The following NHEJ1 variants were observed in gnomAD, a reference collection of about 807,000 sequenced individuals.
NHEJ1 encodes non-homologous end-joining factor 1.
Under a neutral mutation model 39.4 loss-of-function variants are expected in NHEJ1, and 22 were observed. The ratio of observed to expected loss-of-function variants is 0.56; its 90% confidence interval spans 0.40 to 0.80. The LOEUF is 0.80. NHEJ1 is among the 30% of genes least tolerant of loss of function. The pLI is 0.00. For synonymous variants in NHEJ1, 154 were observed against 135.6 expected, an observed-to-expected ratio of 1.14 and a Z score of -0.94; for missense variants, 329 against 357.1, an observed-to-expected ratio of 0.92 and a Z score of 0.63.
At chr2:219,110,033 T>C (rs1002721436) in intron 5 of NHEJ1, among the ~76,000 whole-genome samples, 1 of 152,182 alleles carries the variant, frequency 6.6e-6, no homozygotes, top group East Asian at 1.9e-4. Context: ...TGAAGAATCA[T>C]GAGCTTAAAG....
chr2:219,133,012 A>C (rs553967519), intron 5 of NHEJ1, among the ~76,000 whole-genome samples: 7 of 152,352 alleles, frequency 4.6e-5, no homozygotes, highest in African/African-American at 1.7e-4. Context: ...TTAAACTTCT[A>C]AATAGAAAAA....
In NHEJ1 at chr2:219,070,463, A is replaced by T. The variant is rs1948946943; in HGVS notation, c.*5918T>A. Among the ~76,000 whole-genome samples, 2 of 152,210 alleles carry T rather than the reference A, an allele frequency of 1.3e-5. No individual in the cohort carries two copies. Among genetic ancestry groups the T allele is most frequent in the South Asian group, 4.1e-4 (2 of 4,832 alleles). On this transcript the variant is annotated 3_prime_UTR_variant, in exon 8 of 8. Coordinates refer to ENST00000356853, the MANE Select transcript of NHEJ1 (RefSeq NM_024782.3). ...TGCCTCAGCCTCCCAAAGTGCTGGG[A>T]TTACAGGCGTGAGCCACTGCGCCTG... is the stretch of plus-strand genomic sequence containing the variant.
chr2:219,087,994 C>G (rs941385157), intron 5 of NHEJ1, among the ~76,000 whole-genome samples: 1 of 152,122 alleles, frequency 6.6e-6, no homozygotes, highest in Admixed American at 6.5e-5. Flanking sequence ...TGTACAGAAT[C>G]TCATTGAGAA....
chr2:219,157,555 C>T lies in NHEJ1; in HGVS notation c.307G>A (p.Ala103Thr). Residue 103 changes from alanine (A) to threonine (T), a missense_variant, in exon 3 of 8, where the codon GCA becomes ACA. By Grantham distance (58) the Ala-to-Thr change is moderately conservative. Transcript: ENST00000356853. ...TCACTTCGCACCCGTAGAATCAGTGCATCTGCCACACAATCACAGGAGAAG... is the reference window on the plus strand; with the variant it reads ...TCACTTCGCACCCGTAGAATCAGTGTATCTGCCACACAATCACAGGAGAAG... ...ATFSCDCVAD[A>T]LILRVRSELS... is the part of the protein sequence containing the mutation. 1.2e-6 allele frequency: 2 copies of T among 1,614,184 alleles called. No homozygotes were observed. Among genetic ancestry groups the T allele is most frequent in the East Asian group, 4.5e-5 (2 of 44,888 alleles).
chr2:219,123,676 T>G (rs992347897), intron 5 of NHEJ1, among the ~76,000 whole-genome samples: 1 of 152,126 alleles, frequency 6.6e-6, no homozygotes, highest in South Asian at 2.1e-4. Flanking sequence ...CAGACTACAT[T>G]TAAAACTAGA....
At chr2:219,129,815 C>T (rs977817909) in intron 5 of NHEJ1, among the ~76,000 whole-genome samples, 14 of 152,342 alleles carry the variant, frequency 9.2e-5, no homozygotes, top group African/African-American at 2.4e-4. Context: ...ACGCCAGCTC[C>T]GCCACCTTCA....
chr2:219,129,753 G>A (rs545866591), intron 5 of NHEJ1, among the ~76,000 whole-genome samples: 4 of 152,312 alleles, frequency 2.6e-5, no homozygotes, highest in East Asian at 1.9e-4. Flanking sequence ...TAAATTTAAC[G>A]CCCTGCGCGG....
chr2:219,113,684 CCTT>C (rs756403404), intron 5 of NHEJ1, among the ~76,000 whole-genome samples: 3 of 152,082 alleles, frequency 2.0e-5, no homozygotes, highest in African/African-American at 4.8e-5. Flanking sequence ...CTTCGTGTCA[CCTT>C]CTATAAACTA....
intron 5 of NHEJ1, among the ~76,000 whole-genome samples, chr2:219,084,090 TC>T (rs1399105270): frequency 6.8e-6 from 1 of 148,146 alleles, no homozygotes; most frequent in Non-Finnish European, 1.5e-5. Flanking sequence ...CACTGCAACC[TC>T]TCTCTCCCAG....
At chr2:219,158,151 A>C in intron 2 of NHEJ1, 35 bp downstream of exon 2, 1 of 1,612,692 alleles carries the variant, frequency 6.2e-7, no homozygotes, top group Non-Finnish European at 8.5e-7. Context: ...TGATGTTCAC[A>C]TCCCCGACAC....
intron 5 of NHEJ1, among the ~76,000 whole-genome samples, chr2:219,142,227 A>G (rs72953605): frequency 8.4e-6 from 1 of 119,154 alleles, no homozygotes; most frequent in African/African-American, 2.7e-5. Flanking sequence ...AAGAGAAGAG[A>G]AGAGGAGAGA....
At chr2:219,152,000 T>C (rs773434150) in intron 3 of NHEJ1, among the ~76,000 whole-genome samples, 3 of 151,318 alleles carry the variant, frequency 2.0e-5, no homozygotes, top group African/African-American at 7.3e-5. Context: ...AATGTGTAAA[T>C]AGTTCAAAGC....
chr2:219,115,678 T>C (rs1260768072), intron 5 of NHEJ1, among the ~76,000 whole-genome samples: 1 of 152,118 alleles, frequency 6.6e-6, no homozygotes, highest in Non-Finnish European at 1.5e-5. Context: ...CATGCACAAG[T>C]CTTCAGAGAA....
chr2:219,104,880 AC>A (rs1949300299), intron 5 of NHEJ1, among the ~76,000 whole-genome samples: 1 of 152,232 alleles, frequency 6.6e-6, no homozygotes, highest in African/African-American at 2.4e-5. Context: ...GCAATTGCAG[AC>A]TTGGGAAGAA....
intron 5 of NHEJ1, among the ~76,000 whole-genome samples, 183 bp downstream of exon 5, chr2:219,146,497 G>A (rs998271719): frequency 1.3e-5 from 2 of 152,046 alleles, no homozygotes; most frequent in Non-Finnish European, 2.9e-5. Flanking sequence ...TTCTTTCCCC[G>A]TTTTTTCCCT....
intron 5 of NHEJ1, among the ~76,000 whole-genome samples, chr2:219,142,222 AAGAGAAGAGG>A (rs1295117634): frequency 6.6e-6 from 1 of 152,184 alleles, no homozygotes; most frequent in Non-Finnish European, 1.5e-5. Context: ...AAGAGAAGAG[AAGAGAAGAGG>A]AGAGAAGAGT....
At chr2:219,106,203 G>T (rs1949312165) in intron 5 of NHEJ1, among the ~76,000 whole-genome samples, 1 of 152,140 alleles carries the variant, frequency 6.6e-6, no homozygotes, top group Non-Finnish European at 1.5e-5. Flanking sequence ...TTGGGTCTAA[G>T]AAGACCTTGC....
At chr2:219,135,948 C>T (rs1420579471) in intron 5 of NHEJ1, among the ~76,000 whole-genome samples, 1 of 152,082 alleles carries the variant, frequency 6.6e-6, no homozygotes, top group Admixed American at 6.5e-5. Context: ...GATATACAAC[C>T]CCCTGGAGCG....
intron 5 of NHEJ1, among the ~76,000 whole-genome samples, chr2:219,121,973 C>A (rs1346522472): frequency 1.3e-5 from 2 of 152,060 alleles, no homozygotes; most frequent in Non-Finnish European, 2.9e-5. Context: ...CCAAAATATA[C>A]CAAGAACTAT....
Sources: allele counts gnomAD v4.1 joint callset (sites outside exome capture counted in the v4.1 genomes callset), GRCh38; gene constraint gnomAD v4.1.1; transcripts MANE v1.5; gene names NCBI Gene and HGNC (gene_info 2026-07-23, HGNC 2026-07-21).